Variants in KCNAB1 observed in about 807,000 individuals in gnomAD.
KCNAB1 encodes voltage-gated potassium channel subunit beta-1.
Under a neutral mutation model 64.6 loss-of-function variants are expected in KCNAB1, and 35 were observed. That is an observed-to-expected ratio of 0.54 (90% CI 0.41 to 0.72). The LOEUF is 0.72. KCNAB1 is among the 30% of genes least tolerant of loss of function. The pLI is 0.00. For missense variants in KCNAB1, 401 were observed against 512.9 expected (o/e 0.78, Z 2.11); for synonymous variants, 177 against 183.8 (o/e 0.96, Z 0.30).
chr3:156,240,443 A>G (rs1332077302), intron 1 of KCNAB1, among the ~76,000 whole-genome samples: 1 of 152,100 alleles, frequency 6.6e-6, no homozygotes, highest in African/African-American at 2.4e-5. Context: ...AAAATACACA[A>G]TTCCTGGTCC....
At chr3:156,321,509 C>T (rs1722660939) in intron 1 of KCNAB1, among the ~76,000 whole-genome samples, 1 of 152,362 alleles carries the variant, frequency 6.6e-6, no homozygotes, top group Middle Eastern at 3.4e-3. Flanking sequence ...CAGCACTGCT[C>T]TAGCATTCTC....
At chr3:156,149,902 T>G (rs1344766972) in intron 1 of KCNAB1, among the ~76,000 whole-genome samples, 1 of 152,172 alleles carries the variant, frequency 6.6e-6, no homozygotes, top group Non-Finnish European at 1.5e-5. Flanking sequence ...CATGAGACAC[T>G]TGGCACACTC....
intron 1 of KCNAB1, among the ~76,000 whole-genome samples, chr3:156,220,936 G>C (rs1171893274): frequency 6.6e-6 from 1 of 152,166 alleles, no homozygotes; most frequent in African/African-American, 2.4e-5. Flanking sequence ...TCTACATATG[G>C]ATAGCCAGTT....
rs549930594 is a variant in KCNAB1 at position 156,251,409 on chromosome 3, G to A, written c.275+130523G>A. ...GGTGAAAGGATAATGAGGAAAGGAC[G>A]ACAACACCAGGGCTAAGGTTGGTAC... On this transcript the variant is annotated intron_variant, in intron 1 of 13. Transcript: ENST00000490337. Among the ~76,000 whole-genome samples, 18 of 152,270 alleles carry A rather than the reference G, an allele frequency of 1.2e-4. No homozygotes were observed. In the Middle Eastern group the frequency reaches 0.01, roughly 86 times the overall value.
intron 1 of KCNAB1, among the ~76,000 whole-genome samples, chr3:156,169,992 C>A (rs960275640): frequency 6.6e-6 from 1 of 152,204 alleles, no homozygotes; most frequent in African/African-American, 2.4e-5. Flanking sequence ...CCCAAAGAGG[C>A]CCTTTTTCCC....
chr3:156,516,982 G>C (rs962426533), intron 11 of KCNAB1, among the ~76,000 whole-genome samples: 3 of 152,186 alleles, frequency 2.0e-5, no homozygotes, highest in African/African-American at 7.2e-5. Context: ...AGGACATCTT[G>C]ATGACTAATT....
At chr3:156,418,117 A>G (rs980877980) in intron 1 of KCNAB1, among the ~76,000 whole-genome samples, 1 of 152,278 alleles carries the variant, frequency 6.6e-6, no homozygotes, top group Admixed American at 6.5e-5. Context: ...TCTGACATAG[A>G]TAAAATAGTT....
intron 1 of KCNAB1, among the ~76,000 whole-genome samples, chr3:156,257,971 T>C (rs1314049625): frequency 6.6e-6 from 1 of 152,246 alleles, no homozygotes; most frequent in Admixed American, 6.5e-5. Context: ...AGCAGTCTGC[T>C]ACAGCATACA....
At chr3:156,442,630 A>T (rs1221754555) in intron 2 of KCNAB1, among the ~76,000 whole-genome samples, 1 of 152,220 alleles carries the variant, frequency 6.6e-6, no homozygotes, top group African/African-American at 2.4e-5. Flanking sequence ...ATGCACAGGC[A>T]TTAGAAGGTC....
intron 8 of KCNAB1, among the ~76,000 whole-genome samples, chr3:156,496,201 T>G (rs1047978557): frequency 1.3e-5 from 2 of 152,164 alleles, no homozygotes; most frequent in African/African-American, 4.8e-5. Context: ...AGAAAAATAT[T>G]ATTATTGTTT....
At chr3:156,522,101 G>A (rs142237035) in intron 11 of KCNAB1, among the ~76,000 whole-genome samples, 1 of 40,976 alleles carries the variant, frequency 2.4e-5, no homozygotes. Context: ...TTTCAAAAAC[G>A]GAAAAGTTAC....
chr3:156,239,553 T>A (rs1013236330), intron 1 of KCNAB1, among the ~76,000 whole-genome samples: 3 of 152,128 alleles, frequency 2.0e-5, no homozygotes, highest in Admixed American at 1.3e-4. Flanking sequence ...TCATCCATGT[T>A]GAAAAGCCCA....
At chr3:156,169,788 G>T (rs556108901) in intron 1 of KCNAB1, among the ~76,000 whole-genome samples, 1 of 152,098 alleles carries the variant, frequency 6.6e-6, no homozygotes, top group African/African-American at 2.4e-5. Context: ...CTTTCCCTTC[G>T]CCTTCGGCCA....
At chr3:156,279,922 G>A (rs1328503375) in intron 1 of KCNAB1, among the ~76,000 whole-genome samples, 2,690 of 148,696 alleles carry the variant, frequency 0.018, 87 homozygotes, top group African/African-American at 0.064. Context: ...TAGGTTGCCT[G>A]TTCACTCTGA....
intron 1 of KCNAB1, among the ~76,000 whole-genome samples, chr3:156,357,132 C>CACACAT (rs1725296364): frequency 6.6e-6 from 1 of 150,816 alleles, no homozygotes; most frequent in Non-Finnish European, 1.5e-5. Context: ...CTCTCTCTCT[C>CACACAT]ACACATACAC....
intron 1 of KCNAB1, among the ~76,000 whole-genome samples, chr3:156,209,021 A>G (rs1380568885): frequency 6.6e-6 from 1 of 152,254 alleles, no homozygotes; most frequent in Non-Finnish European, 1.5e-5. Context: ...AGGGTTATTC[A>G]TGTATTTAGT....
chr3:156,460,067 T>C, intron 5 of KCNAB1, 196 bp downstream of exon 5: 2 of 507,342 alleles, frequency 3.9e-6, no homozygotes, highest in East Asian at 3.2e-5. Context: ...TGACTAGTCA[T>C]TGATCACAAT....
chr3:156,329,301 G>C (rs998093945), intron 1 of KCNAB1, among the ~76,000 whole-genome samples: 1 of 152,116 alleles, frequency 6.6e-6, no homozygotes. Context: ...GGCACTCTGA[G>C]CTGGAAATGG....
chr3:156,248,288 C>CT (rs34159855), intron 1 of KCNAB1, among the ~76,000 whole-genome samples: 4 of 151,960 alleles, frequency 2.6e-5, no homozygotes, highest in African/African-American at 9.7e-5. Context: ...CTTTTATATC[C>CT]TTTTTTTGGT....
Sources: gnomAD v4.1 joint callset for allele counts (sites outside exome capture counted in the v4.1 genomes callset) on GRCh38, gnomAD v4.1.1 for gene constraint, MANE v1.5 for transcripts, NCBI Gene and HGNC (gene_info 2026-07-23, HGNC 2026-07-21) for gene names.